Variants in PCSK5 observed in about 807,000 individuals in gnomAD.
The protein encoded by PCSK5 is proprotein convertase subtilisin/kexin type 5.
In PCSK5, 129 loss-of-function variants were observed where a neutral mutation model predicts 233.2. The observed-to-expected ratio is 0.55, with a 90% CI of 0.48 to 0.64. The LOEUF is 0.64. Ranked by LOEUF, PCSK5 falls within the 30% of genes least tolerant of loss-of-function variation. The pLI is 0.00. For synonymous variants in PCSK5, 825 were observed against 879.2 expected, an observed-to-expected ratio of 0.94 and a Z score of 1.09; for missense variants, 2,076 against 2,430.1, an observed-to-expected ratio of 0.85 and a Z score of 3.06.
At chr9:76,006,603 C>A (rs1051623502) in intron 3 of PCSK5, among the ~76,000 whole-genome samples, 2 of 152,112 alleles carry the variant, frequency 1.3e-5, no homozygotes, top group African/African-American at 4.8e-5. Context: ...TTCATTATTT[C>A]TATTTTTCAG....
intron 35 of PCSK5, among the ~76,000 whole-genome samples, chr9:76,338,836 G>A (rs1451028278): frequency 6.6e-6 from 1 of 152,010 alleles, no homozygotes; most frequent in Non-Finnish European, 1.5e-5. Flanking sequence ...CAGAAATCTA[G>A]TTGTCTGTCC....
At chr9:76,031,079 G>A (rs1828635843) in intron 5 of PCSK5, among the ~76,000 whole-genome samples, 1 of 152,142 alleles carries the variant, frequency 6.6e-6, no homozygotes, top group Non-Finnish European at 1.5e-5. Context: ...TTTACCTTTA[G>A]CTCCTCTCAG....
chr9:76,006,180 T>C (rs941358937), intron 3 of PCSK5, among the ~76,000 whole-genome samples: 5 of 152,284 alleles, frequency 3.3e-5, no homozygotes, highest in African/African-American at 1.2e-4. Flanking sequence ...CTTAGGCATT[T>C]GAATTACTCT....
At chr9:76,237,623 A>T (rs2131325126) in intron 22 of PCSK5, among the ~76,000 whole-genome samples, 1 of 152,058 alleles carries the variant, frequency 6.6e-6, no homozygotes, top group Middle Eastern at 3.4e-3. Flanking sequence ...CAAAAAAAAA[A>T]AAAATGGTTG....
intron 5 of PCSK5, among the ~76,000 whole-genome samples, chr9:76,042,322 C>A (rs528991382): frequency 9.1e-4 from 138 of 152,286 alleles, no homozygotes; most frequent in African/African-American, 3.2e-3. Context: ...CCATTTTTGT[C>A]TTTTGTTTCT....
At chr9:76,143,012 A>G (rs1346930263) in intron 10 of PCSK5, among the ~76,000 whole-genome samples, 3 of 152,250 alleles carry the variant, frequency 2.0e-5, no homozygotes, top group Non-Finnish European at 4.4e-5. Flanking sequence ...TAATCTGCCA[A>G]TGATTATGAA....
At position 75,903,589 on chromosome 9, in the gene PCSK5, A is replaced by ATAT. The variant is rs201890432; in HGVS notation, c.192+12216_192+12217insTAT. 2.1e-3 allele frequency among the ~76,000 whole-genome samples: 274 copies of ATAT among 128,764 alleles called. 1 individual carries two copies. The highest frequency in any genetic ancestry group is 3.6e-3 in the Admixed American group (47 of 13,048). 84.5% of individuals were successfully genotyped at this position (128,764 alleles called of 152,430 possible). On this transcript the variant is annotated intron_variant, in intron 1 of 37. Coordinates refer to ENST00000674117, the MANE Select transcript of PCSK5 (RefSeq NM_001372043.1). Reference sequence around the variant, plus strand: ...GTGTGTGTGTGTATATATATATATAAAATATATATTATATATATATATTAT... The same window carrying ATAT: ...GTGTGTGTGTGTATATATATATATAATATAATATATATTATATATATATATTAT...
At chr9:76,289,663 A>G (rs561598110) in intron 24 of PCSK5, among the ~76,000 whole-genome samples, 1 of 152,224 alleles carries the variant, frequency 6.6e-6, no homozygotes. Context: ...CCTTAATCTC[A>G]TAACAGCAGC....
rs180745312 is a variant in PCSK5 at position 75,997,433 on chromosome 9, C to T, written c.411+11188C>T. ...CATCTTCAAATAGAATGCACATGCA[C>T]ATCAATATGATTTTTCCAGTTTCTC... On this transcript the variant is annotated intron_variant, in intron 3 of 37. Transcript: ENST00000674117. 7.9e-5 allele frequency among the ~76,000 whole-genome samples: 12 copies of T among 152,308 alleles called. 1 individual carries two copies. The East Asian group carries it at 1.5e-3, about 20-fold the overall frequency.
intron 2 of PCSK5, among the ~76,000 whole-genome samples, chr9:75,973,573 C>CT (rs1458720511): frequency 6.6e-6 from 1 of 152,188 alleles, no homozygotes; most frequent in Non-Finnish European, 1.5e-5. Context: ...GAGACCCGAC[C>CT]TTGGCCTCCT....
At chr9:75,908,907 CTATCTA>C (rs1822547921) in intron 1 of PCSK5, among the ~76,000 whole-genome samples, 1 of 131,422 alleles carries the variant, frequency 7.6e-6, no homozygotes, top group East Asian at 2.2e-4. Context: ...ATCTATCTAT[CTATCTA>C]TCTATCTATC....
At position 76,255,196 on chromosome 9, in the gene PCSK5, A is replaced by ATGAT. The variant is rs901890386; in HGVS notation, c.3142+14515_3142+14518dup. On this transcript the variant is annotated intron_variant, in intron 24 of 37. Coordinates refer to ENST00000674117, the MANE Select transcript of PCSK5 (RefSeq NM_001372043.1). ...CAGCTACTAGGGAGGCTGAGGTGGGATGATTGCCTGAGCCCGGGAAATTGA... is the reference window on the plus strand; with the variant it reads ...CAGCTACTAGGGAGGCTGAGGTGGGATGATTGATTGCCTGAGCCCGGGAAATTGA... Among the ~76,000 whole-genome samples the ATGAT allele has an allele frequency of 1.4e-4, 22 of 152,118 alleles. 1 individual carries two copies.
intron 5 of PCSK5, among the ~76,000 whole-genome samples, chr9:76,047,799 A>G (rs531889756): frequency 6.3e-4 from 96 of 152,310 alleles, no homozygotes; most frequent in African/African-American, 2.3e-3. Flanking sequence ...TGTTTGTAAT[A>G]ATAAAAGTAA....
intron 35 of PCSK5, among the ~76,000 whole-genome samples, chr9:76,342,180 C>G (rs887548964): frequency 6.6e-6 from 1 of 152,088 alleles, no homozygotes; most frequent in African/African-American, 2.4e-5. Context: ...AATGGGATGT[C>G]AGAACCTGAG....
Position 76,227,522 on chromosome 9 carries a change from T to G in PCSK5, c.2646T>G (p.His882Gln). 6.2e-7 allele frequency: 1 copy of G among 1,611,596 alleles called. No homozygotes were observed. Among genetic ancestry groups the G allele is most frequent in the Non-Finnish European group, 8.5e-7 (1 of 1,179,106 alleles). The change falls in exon 21 of 38, where the codon CAT (histidine) becomes CAG (glutamine). Residue 882 changes from histidine to glutamine, a missense_variant. Around this residue, in one of 6 missense-constraint regions of PCSK5, gnomAD observed 1,510 missense variants for 1,538.1 expected, o/e 0.98. Transcript: ENST00000674117. ...CCCCAGGAGAATATGTTGATGAGCA[T>G]GGCCACTGCCAGACCTGTGAGGCCT... Reference protein sequence around the residue: ...ICKDGEYVDEHGHCQTCEASC... With the variant: ...ICKDGEYVDEQGHCQTCEASC...
chr9:76,001,233 A>G (rs1378158973), intron 3 of PCSK5, among the ~76,000 whole-genome samples: 1 of 152,128 alleles, frequency 6.6e-6, no homozygotes, highest in Non-Finnish European at 1.5e-5. Context: ...GCACTGTGAT[A>G]GCTGCCAATA....
At chr9:76,293,474 C>T (rs1313014451) in intron 25 of PCSK5, among the ~76,000 whole-genome samples, 1 of 152,130 alleles carries the variant, frequency 6.6e-6, no homozygotes. Flanking sequence ...GTTTTTAAGA[C>T]AGTCTCACTC....
chr9:75,902,087 G>T (rs181365230), intron 1 of PCSK5, among the ~76,000 whole-genome samples: 3 of 151,586 alleles, frequency 2.0e-5, no homozygotes, highest in African/African-American at 7.3e-5. Context: ...GTGGTGTCGA[G>T]CGTCTGTAAT....
At chr9:76,112,960 C>T (rs1461382185) in intron 9 of PCSK5, among the ~76,000 whole-genome samples, 1 of 152,120 alleles carries the variant, frequency 6.6e-6, no homozygotes, top group Non-Finnish European at 1.5e-5. Context: ...TGAACAAGGT[C>T]CATTCTCAAC....
Sources: gnomAD v4.1 joint callset for allele counts (sites outside exome capture counted in the v4.1 genomes callset) on GRCh38, gnomAD v4.1.1 for gene constraint, gnomAD v4.1.1 regional missense constraint, MANE v1.5 for transcripts, NCBI Gene and HGNC (gene_info 2026-07-23, HGNC 2026-07-21) for gene names.